MAP3K15: variants seen among roughly 807,000 people sequenced by gnomAD.
MAP3K15 encodes the protein MAPK/ERK kinase kinase 15.
Under a neutral mutation model 99.5 loss-of-function variants are expected in MAP3K15, and 124 were observed. The ratio of observed to expected loss-of-function variants is 1.25; its 90% CI spans 1.08 to 1.45. The LOEUF is 1.45. Ranked by LOEUF, MAP3K15 falls within the 40% of genes most tolerant of loss-of-function variation. The probability of loss-of-function intolerance (pLI) is 0.00; values close to 1 mark genes in which losing one functional copy is unlikely to be tolerated. For synonymous variants in MAP3K15, 494 were observed against 439.6 expected, an observed-to-expected ratio of 1.12 and a Z score of -1.55; for missense variants, 1,242 against 1,079.7, an observed-to-expected ratio of 1.15 and a Z score of -2.11.
intron 25 of MAP3K15, among the ~76,000 whole-genome samples, chrX:19,363,887 A>G (rs2063315923): frequency 2.7e-5 from 3 of 110,753 alleles, no homozygotes; most frequent in South Asian, 3.8e-4. Context: ...TCCTGACCTC[A>G]AGTGATCCAC....
chrX:19,473,865 T>G (rs1367303442), intron 3 of MAP3K15, among the ~76,000 whole-genome samples: 1 of 112,255 alleles, frequency 8.9e-6, no homozygotes, highest in African/African-American at 3.2e-5. Flanking sequence ...AGCTTAATTA[T>G]ATAGTCTTAA....
intron 6 of MAP3K15, among the ~76,000 whole-genome samples, chrX:19,456,226 C>T (rs2064091756): frequency 3.6e-5 from 4 of 112,126 alleles, no homozygotes; most frequent in Admixed American, 9.5e-5. Context: ...CCCCAAACCG[C>T]AAACAACCTA....
chrX:19,450,356 G>T (rs972275954), intron 6 of MAP3K15, among the ~76,000 whole-genome samples: 2 of 108,555 alleles, frequency 1.8e-5, no homozygotes, highest in Non-Finnish European at 3.9e-5. Context: ...GAAGAGGACA[G>T]GAGAAAAGGG....
At chrX:19,429,293 G>A (rs893145786) in intron 7 of MAP3K15, among the ~76,000 whole-genome samples, 3 of 110,812 alleles carry the variant, frequency 2.7e-5, no homozygotes, top group African/African-American at 9.8e-5. Context: ...GTCTACTTGG[G>A]TACTGTTAGA....
chrX:19,483,119 A>G (rs1279183308), intron 3 of MAP3K15, among the ~76,000 whole-genome samples: 1 of 109,799 alleles, frequency 9.1e-6, no homozygotes, highest in East Asian at 2.8e-4. Context: ...TTAGCCGGTC[A>G]TGGTGGCACA....
intron 3 of MAP3K15, among the ~76,000 whole-genome samples, chrX:19,474,584 A>G (rs369258333): frequency 1.9e-3 from 200 of 105,711 alleles, no homozygotes; most frequent in African/African-American, 6.7e-3. Context: ...AAAAAATTAC[A>G]TCATTGCCAT....
At chrX:19,445,249 G>T (rs912508552) in intron 6 of MAP3K15, among the ~76,000 whole-genome samples, 1 of 110,013 alleles carries the variant, frequency 9.1e-6, no homozygotes, top group Non-Finnish European at 1.9e-5. Flanking sequence ...TTTGGGGTGG[G>T]GGGAGACCTA....
chrX:19,384,769 A>AC (rs2063483914), intron 18 of MAP3K15, among the ~76,000 whole-genome samples: 1 of 105,059 alleles, frequency 9.5e-6, no homozygotes, highest in Non-Finnish European at 1.9e-5. Flanking sequence ...AAAAAAAAAA[A>AC]AAAAAAAAAA....
At chrX:19,475,179 G>C (rs1271420232) in intron 3 of MAP3K15, among the ~76,000 whole-genome samples, 1 of 110,928 alleles carries the variant, frequency 9.0e-6, no homozygotes, top group East Asian at 2.8e-4. Flanking sequence ...GGGAATGATG[G>C]GACACAGTGA....
intron 1 of MAP3K15, among the ~76,000 whole-genome samples, chrX:19,499,219 T>G (rs1232944567): frequency 6.3e-5 from 7 of 111,612 alleles, no homozygotes; most frequent in Non-Finnish European, 1.1e-4. Flanking sequence ...ATTAAAACCA[T>G]GAGGAGAAAC....
At chrX:19,458,017 C>T (rs2064106388) in intron 5 of MAP3K15, among the ~76,000 whole-genome samples, 1 of 112,388 alleles carries the variant, frequency 8.9e-6, no homozygotes, top group African/African-American at 3.2e-5. Context: ...ATGCTTGTCT[C>T]AGCCAAGTCC....
intron 6 of MAP3K15, among the ~76,000 whole-genome samples, chrX:19,454,204 G>C (rs1010221548): frequency 5.4e-5 from 6 of 111,656 alleles, no homozygotes; most frequent in Non-Finnish European, 9.4e-5. Flanking sequence ...TGGTAGTCTC[G>C]ATCCAAAGAT....
intron 18 of MAP3K15, among the ~76,000 whole-genome samples, chrX:19,385,404 T>G (rs1270684048): frequency 9.0e-6 from 1 of 111,614 alleles, no homozygotes; most frequent in Non-Finnish European, 1.9e-5. Context: ...TGACCTAGTG[T>G]CCAGGTCACA....
rs1450329853 is a variant in MAP3K15, at chrX:19,360,146, C to T, written c.*603G>A. ...AATCATTCCAATTTTGTAATCATTT[C>T]AAAGGCCACATAACTTAGTTTTCTC... On this transcript the variant is annotated 3_prime_UTR_variant, in exon 29 of 29. Transcript: ENST00000338883. 2 of 154,964 alleles carry T rather than the reference C, an allele frequency of 1.3e-5. No homozygotes were observed. The highest frequency in any genetic ancestry group is 3.1e-5 in the African/African-American group (1 of 31,788). The allele number at this position is 154,964 out of a possible 1,213,427, so 12.8% of individuals were successfully genotyped here. A position where few individuals can be genotyped will look rare whatever the true frequency, so the allele number is the denominator to read the frequency against.
In MAP3K15 at chrX:19,371,345, G is replaced by T. The variant is rs140041575; in HGVS notation, c.3294C>A (p.Ala1098=). Residue 1098 remains alanine, a splice_region_variant and synonymous_variant, in exon 23 of 29, where the codon GCC becomes GCA. Coordinates refer to ENST00000338883, the MANE Select transcript of MAP3K15 (RefSeq NM_001001671.4). ...CCCTAGGGCCAGATGGAGCACTTAC[G>T]GCATCCTGAAATCCGAACAGCACCA... The part of the protein sequence containing the change: ...IHLVLFGFQD[A]VNKILRNHLI... 6.6e-6 allele frequency: 8 copies of T among 1,203,225 alleles called. No individual in the cohort carries two copies. The highest frequency in any genetic ancestry group is 5.2e-5 in the African/African-American group (3 of 57,563).
intron 10 of MAP3K15, chrX:19,414,412 T>C (rs2063716275): frequency 4.2e-6 from 1 of 236,501 alleles, no homozygotes; most frequent in Non-Finnish European, 6.0e-6. Flanking sequence ...TTTTATTAGA[T>C]GCTTAATGAA....
At chrX:19,407,666 G>C (rs1386666840) in intron 12 of MAP3K15, among the ~76,000 whole-genome samples, 4 of 112,349 alleles carry the variant, frequency 3.6e-5, no homozygotes, top group African/African-American at 1.3e-4. Context: ...TTCTAGATTC[G>C]GAAAGTATCA....
intron 25 of MAP3K15, among the ~76,000 whole-genome samples, chrX:19,367,058 A>G (rs2063339420): frequency 8.9e-6 from 1 of 112,184 alleles, no homozygotes. Context: ...TTGCAGCACT[A>G]TTCACAATAG....
Position 19,450,207 on chromosome X carries a change from T to C in MAP3K15, c.995+6706A>G, listed in dbSNP as rs763027993. On this transcript the variant is annotated intron_variant, in intron 6 of 28. Transcript: ENST00000338883. The stretch of plus-strand genomic sequence containing the variant: ...CCTATGTGCCTTGAAAGCTAGCAAT[T>C]CCAAATTAGCTGGGCATGGTGGCAT... Among the ~76,000 whole-genome samples the C allele has an allele frequency of 1.9e-4, 21 of 109,131 alleles. 1 individual carries two copies. The South Asian group carries it at 2.0e-3, about 11-fold the overall frequency. The allele number at this position is 109,131 out of a possible 115,157, so 94.8% of individuals were successfully genotyped here. A position where few individuals can be genotyped will look rare whatever the true frequency, so the allele number is the denominator to read the frequency against.
Sources: allele counts gnomAD v4.1 joint callset (sites outside exome capture counted in the v4.1 genomes callset), GRCh38; gene constraint gnomAD v4.1.1; transcripts MANE v1.5; gene names NCBI Gene and HGNC (gene_info 2026-07-23, HGNC 2026-07-21).